Variants in DCHS2 observed in about 807,000 individuals in gnomAD.
DCHS2 encodes the protein protocadherin-23.
A neutral mutation model predicts 182.4 loss-of-function variants in DCHS2; 142 were observed. The observed-to-expected ratio is 0.78, with a 90% CI of 0.68 to 0.89. The LOEUF is 0.89. Ranked by LOEUF, DCHS2 falls within the 40% of genes least tolerant of loss-of-function variation. The pLI is 0.00. For missense variants in DCHS2, 4,319 were observed against 4,198.6 expected, an observed-to-expected ratio of 1.03 and a Z score of -0.79; for synonymous variants, 1,740 against 1,663.3, an observed-to-expected ratio of 1.05 and a Z score of -1.12.
At chr4:154,356,563 G>T (rs1014918016) in intron 3 of DCHS2, among the ~76,000 whole-genome samples, 3 of 152,040 alleles carry the variant, frequency 2.0e-5, no homozygotes, top group Non-Finnish European at 4.4e-5. Context: ...CATAATCAGT[G>T]CCCTATACAG....
intron 1 of DCHS2, among the ~76,000 whole-genome samples, chr4:154,393,690 T>C (rs1163420098): frequency 2.3e-5 from 2 of 88,356 alleles, no homozygotes; most frequent in Non-Finnish European, 6.8e-5. Context: ...ACCAGTCCAC[T>C]CTTTCGCTGT....
Position 154,298,557 on chromosome 4 carries a change from C to T in DCHS2, c.5757G>A (p.Leu1919=), listed in dbSNP as rs1300431331. 2 of 1,614,026 alleles carry T rather than the reference C, an allele frequency of 1.2e-6. No homozygotes were observed. The highest frequency in any genetic ancestry group is 2.7e-5 in the African/African-American group (2 of 74,936). ...CATTGGCATCCAAAACTCTAACTTG[C>T]AGGTGTATTACAGAGCTCCTAGGTG... The part of the protein sequence containing the change: ...GDPPRSSVIH[L]QVRVLDANDH... The change falls in exon 13 of 20, where the codon CTG becomes CTA. Residue 1919 remains leucine, a synonymous_variant. Coordinates refer to ENST00000357232, the MANE Select transcript of DCHS2 (RefSeq NM_001358235.2).
At chr4:154,425,115 C>T (rs1733268685) in intron 1 of DCHS2, among the ~76,000 whole-genome samples, 1 of 152,180 alleles carries the variant, frequency 6.6e-6, no homozygotes, top group Non-Finnish European at 1.5e-5. Flanking sequence ...AGCAGTTATT[C>T]ACCATGGCTG....
At chr4:154,462,905 A>C (rs1735071710) in intron 1 of DCHS2, among the ~76,000 whole-genome samples, 1 of 152,074 alleles carries the variant, frequency 6.6e-6, no homozygotes, top group Non-Finnish European at 1.5e-5. Flanking sequence ...TGCACAACTA[A>C]TATGTATATG....
intron 1 of DCHS2, among the ~76,000 whole-genome samples, chr4:154,455,931 A>G (rs1219587641): frequency 1.3e-5 from 2 of 152,128 alleles, no homozygotes; most frequent in Non-Finnish European, 2.9e-5. Flanking sequence ...CTCTATTAAA[A>G]ATACAAAAAT....
chr4:154,241,732 A>G (rs778282432), intron 17 of DCHS2, among the ~76,000 whole-genome samples: 5 of 152,202 alleles, frequency 3.3e-5, no homozygotes, highest in Non-Finnish European at 5.9e-5. Context: ...CTATATTTTA[A>G]CACTAATTGC....
intron 1 of DCHS2, among the ~76,000 whole-genome samples, chr4:154,393,066 C>T (rs1215260087): frequency 1.3e-5 from 2 of 152,008 alleles, no homozygotes; most frequent in Non-Finnish European, 2.9e-5. Flanking sequence ...TTGTTAGTAG[C>T]TCATATTATA....
intron 13 of DCHS2, among the ~76,000 whole-genome samples, chr4:154,276,207 C>T (rs913960902): frequency 3.9e-5 from 6 of 152,082 alleles, no homozygotes; most frequent in Non-Finnish European, 5.9e-5. Flanking sequence ...CAACACTGTA[C>T]CTGCAACTCG....
rs1579131968 is a variant in DCHS2 at position 154,489,557 on chromosome 4, G to A, written c.1799C>T (p.Ala600Val). Residue 600 changes from alanine to valine, a missense_variant, in exon 1 of 20, where the codon GCA becomes GTA. Ala to Val is a moderately conservative substitution (Grantham distance 64). Transcript: ENST00000357232. ...AATGGCAAAAGATGGTCCACACTCTGCGGTGTGGACCATCTTTGATTGCAG... is the reference window on the plus strand; with the variant it reads ...AATGGCAAAAGATGGTCCACACTCTACGGTGTGGACCATCTTTGATTGCAG... The part of the protein sequence containing the change: ...GSLQSKMVHT[A>V]ECGPSFAIDS... The A allele has an allele frequency of 6.4e-7, 1 of 1,551,388 alleles. No individual in the cohort carries two copies. Among genetic ancestry groups the A allele is most frequent in the East Asian group, 2.4e-5 (1 of 40,876 alleles).
intron 1 of DCHS2, among the ~76,000 whole-genome samples, chr4:154,417,232 A>AG (rs1321533552): frequency 1.3e-5 from 2 of 150,376 alleles, no homozygotes; most frequent in African/African-American, 4.9e-5. Flanking sequence ...AGAGAGAGAG[A>AG]GAGAGAGAGA....
intron 1 of DCHS2, among the ~76,000 whole-genome samples, chr4:154,485,113 T>A (rs75394691): frequency 0.2 from 29,651 of 151,540 alleles, 3,364 homozygotes; most frequent in Non-Finnish European, 0.27. Flanking sequence ...CTTTTTTTTT[T>A]AAATGAACTT....
At chr4:154,367,091 T>A (rs1730413600) in intron 2 of DCHS2, among the ~76,000 whole-genome samples, 2 of 152,134 alleles carry the variant, frequency 1.3e-5, no homozygotes, top group South Asian at 4.1e-4. Context: ...GAACGTGGTG[T>A]ACCTCTCAGG....
chr4:154,417,202 T>TGAGAAA (rs1393416915), intron 1 of DCHS2, among the ~76,000 whole-genome samples: 1 of 41,956 alleles, frequency 2.4e-5, no homozygotes, highest in Non-Finnish European at 4.7e-5. Context: ...TGTGTGTGTG[T>TGAGAAA]GTGAGAGAGA....
intron 16 of DCHS2, among the ~76,000 whole-genome samples, chr4:154,245,716 A>C (rs943749616): frequency 7.2e-5 from 11 of 152,176 alleles, no homozygotes; most frequent in African/African-American, 2.7e-4. Context: ...TTATAAGTCC[A>C]TAAAGCTAAA....
intron 18 of DCHS2, 96 bp from the exon 19 acceptor site, chr4:154,239,398 A>G: frequency 2.6e-6 from 4 of 1,550,144 alleles, no homozygotes; most frequent in Non-Finnish European, 3.5e-6. Context: ...ATTCATTTTG[A>G]TTATGGAAAC....
intron 3 of DCHS2, among the ~76,000 whole-genome samples, chr4:154,341,711 C>T (rs1044700739): frequency 6.6e-6 from 1 of 151,952 alleles, no homozygotes; most frequent in African/African-American, 2.4e-5. Context: ...AAAACCTGTC[C>T]ATCAATTACT....
At chr4:154,313,043 A>G (rs1228513581) in intron 10 of DCHS2, among the ~76,000 whole-genome samples, 3 of 152,218 alleles carry the variant, frequency 2.0e-5, no homozygotes, top group Non-Finnish European at 2.9e-5. Flanking sequence ...AGATGACCCC[A>G]GAAACAGAAT....
chr4:154,485,267 A>T (rs1369437789), intron 1 of DCHS2, among the ~76,000 whole-genome samples: 1 of 152,226 alleles, frequency 6.6e-6, no homozygotes, highest in Non-Finnish European at 1.5e-5. Context: ...GGCAGAATGT[A>T]AGGAGACAAT....
intron 13 of DCHS2, among the ~76,000 whole-genome samples, chr4:154,273,757 C>G (rs1460101400): frequency 6.6e-6 from 1 of 150,712 alleles, no homozygotes; most frequent in Non-Finnish European, 1.5e-5. Context: ...TAATTTATGG[C>G]ATCTGTTTTA....
Sources: allele counts gnomAD v4.1 joint callset (sites outside exome capture counted in the v4.1 genomes callset), GRCh38; gene constraint gnomAD v4.1.1; transcripts MANE v1.5; gene names NCBI Gene and HGNC (gene_info 2026-07-23, HGNC 2026-07-21).